SLC36A1: variants seen among roughly 807,000 people sequenced by gnomAD.
SLC36A1 encodes the protein proton-coupled amino acid transporter 1.
In SLC36A1, 30 loss-of-function variants were observed where a neutral mutation model predicts 47.5. That is an observed-to-expected ratio of 0.63 (90% CI 0.47 to 0.86). The LOEUF (loss-of-function observed/expected upper bound fraction) is 0.86, where lower values mean the gene tolerates loss of function less well. Ranked by LOEUF, SLC36A1 falls within the 40% of genes least tolerant of loss-of-function variation. The pLI is 0.00. For missense variants in SLC36A1, 517 were observed against 606.0 expected (o/e 0.85, Z 1.54); for synonymous variants, 255 against 249.7 (o/e 1.02, Z -0.20).
chr5:151,538,653 C>A, the SLC36A1 span, among the ~76,000 whole-genome samples: 2 of 152,128 alleles, frequency 1.3e-5, no homozygotes, highest in African/African-American at 4.8e-5. Context: ...CCCCTACATG[C>A]CCTGGATGGA....
the SLC36A1 span, among the ~76,000 whole-genome samples, chr5:151,385,009 A>AGAGAGTGT: frequency 5.4e-4 from 70 of 128,522 alleles, no homozygotes; most frequent in South Asian, 3.5e-3. Flanking sequence ...AGAGAGAGAG[A>AGAGAGTGT]GTGTGTGTGT....
chr5:151,437,961 C>G lies in SLC36A1; in HGVS notation c.-6+782C>G, dbSNP rs145272790. Among the ~76,000 whole-genome samples the G allele has an allele frequency of 2.5e-3, 377 of 152,196 alleles. 1 individual carries two copies. The highest frequency in any genetic ancestry group is 8.5e-3 in the African/African-American group (352 of 41,526). ...ATGGCGTCTTCCTCCATCTTTAAAG[C>G]CAGTAGAATAGAAACTTCTCTCCTC... On this transcript the variant is annotated intron_variant, in intron 1 of 8. Transcript: ENST00000429484.
At chr5:151,515,338 C>T in the SLC36A1 span, among the ~76,000 whole-genome samples, 2 of 152,218 alleles carry the variant, frequency 1.3e-5, no homozygotes, top group Non-Finnish European at 2.9e-5. Flanking sequence ...TAATCCTTGG[C>T]CTACTCTCTC....
the SLC36A1 span, among the ~76,000 whole-genome samples, chr5:151,421,942 A>G: frequency 6.6e-6 from 1 of 152,202 alleles, no homozygotes; most frequent in African/African-American, 2.4e-5. Flanking sequence ...AACTGTGTAG[A>G]AAGTGGAAAA....
the SLC36A1 span, among the ~76,000 whole-genome samples, chr5:151,528,664 T>C: frequency 6.6e-6 from 1 of 152,098 alleles, no homozygotes; most frequent in Non-Finnish European, 1.5e-5. Context: ...GGGTGCACCA[T>C]AGCAGGGAGT....
At chr5:151,485,841 A>G (rs1759443113) in intron 10 of SLC36A1, among the ~76,000 whole-genome samples, 1 of 152,356 alleles carries the variant, frequency 6.6e-6, no homozygotes, top group South Asian at 2.1e-4. Flanking sequence ...TGCAGCAGCC[A>G]CTAGGCACCA....
the SLC36A1 span, among the ~76,000 whole-genome samples, chr5:151,499,442 G>A: frequency 3.9e-5 from 6 of 152,196 alleles, no homozygotes; most frequent in Admixed American, 2.0e-4. Context: ...GACCAGCTGC[G>A]AGCCCTGGGC....
intron 10 of SLC36A1, among the ~76,000 whole-genome samples, chr5:151,481,886 G>T (rs541183895): frequency 6.6e-6 from 1 of 152,304 alleles, no homozygotes; most frequent in Admixed American, 6.5e-5. Context: ...ACCTTGTGTG[G>T]AAGAGGCTGG....
At chr5:151,527,332 G>A in the SLC36A1 span, 4 of 1,613,168 alleles carry the variant, frequency 2.5e-6, no homozygotes, top group Admixed American at 1.7e-5. Context: ...TGCAGTGGAG[G>A]CTGCCCACTG....
the SLC36A1 span, among the ~76,000 whole-genome samples, chr5:151,428,742 C>T: frequency 2.6e-5 from 4 of 152,168 alleles, no homozygotes; most frequent in Admixed American, 2.0e-4. Flanking sequence ...GAGCAATTCT[C>T]CTGCCTCAAC....
chr5:151,510,417 C>T, the SLC36A1 span: 8 of 450,832 alleles, frequency 1.8e-5, no homozygotes, highest in South Asian at 1.7e-4. Context: ...CAGTAATAAA[C>T]AGGATAACAA....
chr5:151,406,712 C>T, the SLC36A1 span, among the ~76,000 whole-genome samples: 2 of 152,130 alleles, frequency 1.3e-5, no homozygotes, highest in Admixed American at 6.5e-5. Context: ...GGTGGGTGGA[C>T]TTTGTTTCTT....
At chr5:151,472,622 G>A (rs1757478022) in intron 7 of SLC36A1, among the ~76,000 whole-genome samples, 1 of 152,092 alleles carries the variant, frequency 6.6e-6, no homozygotes, top group African/African-American at 2.4e-5. Flanking sequence ...CTCCTGTTGT[G>A]TGCTTCTTGG....
the SLC36A1 span, among the ~76,000 whole-genome samples, chr5:151,508,001 A>C: frequency 1.3e-5 from 2 of 152,194 alleles, no homozygotes; most frequent in African/African-American, 4.8e-5. Flanking sequence ...GCAGCCAGGC[A>C]CCAATGTTCC....
At chr5:151,551,321 G>C in the SLC36A1 span, 3 of 810,162 alleles carry the variant, frequency 3.7e-6, no homozygotes, top group Admixed American at 7.3e-5. Flanking sequence ...CACAGAAGTA[G>C]AGAGTGTATT....
At chr5:151,544,475 T>C in the SLC36A1 span, 1 of 1,614,110 alleles carries the variant, frequency 6.2e-7, no homozygotes, top group Non-Finnish European at 8.5e-7. Flanking sequence ...TTGAAGTCAG[T>C]GGTGAACAGC....
At chr5:151,527,215 C>T in the SLC36A1 span, 1 of 1,586,776 alleles carries the variant, frequency 6.3e-7, no homozygotes, top group Non-Finnish European at 8.6e-7. Context: ...CTCAGGGTGC[C>T]TTGGAGGCTC....
At chr5:151,441,045 G>A (rs1257646853) in intron 1 of SLC36A1, among the ~76,000 whole-genome samples, 2 of 152,212 alleles carry the variant, frequency 1.3e-5, no homozygotes, top group Non-Finnish European at 2.9e-5. Flanking sequence ...GATGCAGTAG[G>A]TGTAGAGTAG....
intron 2 of SLC36A1, among the ~76,000 whole-genome samples, chr5:151,460,572 G>A (rs1027460649): frequency 2.6e-5 from 4 of 152,024 alleles, no homozygotes; most frequent in Non-Finnish European, 5.9e-5. Context: ...GTAGTTGATG[G>A]CAGGTATTAC....
Sources: allele counts gnomAD v4.1 joint callset (sites outside exome capture counted in the v4.1 genomes callset), GRCh38; gene constraint gnomAD v4.1.1; transcripts MANE v1.5; gene names NCBI Gene and HGNC (gene_info 2026-07-23, HGNC 2026-07-21).